Variants in SOX5 observed in about 807,000 individuals in gnomAD.
The protein encoded by SOX5 is SRY-box transcription factor 5.
SOX5 carries 9 observed loss-of-function variants against 92.0 expected under a neutral mutation model. The ratio of observed to expected loss-of-function variants is 0.10; its 90% CI spans 0.06 to 0.17. SOX5 has a LOEUF of 0.17. SOX5 is among the 10% of genes least tolerant of loss of function. The pLI is 1.00. For missense variants in SOX5, 642 were observed against 944.5 expected (o/e 0.68, Z 4.20); for synonymous variants, 344 against 336.3 (o/e 1.02, Z -0.25).
chr12:24,035,964 C>T (rs1955991309), intron 4 of SOX5, among the ~76,000 whole-genome samples: 1 of 151,954 alleles, frequency 6.6e-6, no homozygotes, highest in South Asian at 2.1e-4. Context: ...AACAAAAATC[C>T]TCTGCAGATC....
chr12:24,041,425 G>C (rs1195922229), intron 4 of SOX5, among the ~76,000 whole-genome samples: 2 of 152,204 alleles, frequency 1.3e-5, no homozygotes, highest in East Asian at 3.9e-4. Context: ...CAGACAGAGG[G>C]ATCAATTTGG....
At chr12:23,900,162 T>C (rs1054733402) in intron 1 of SOX5, among the ~76,000 whole-genome samples, 1 of 152,150 alleles carries the variant, frequency 6.6e-6, no homozygotes, top group Non-Finnish European at 1.5e-5. Flanking sequence ...TTGAGGAATA[T>C]GGATCAAATC....
At chr12:24,256,826 A>C (rs962168022) in intron 3 of SOX5, among the ~76,000 whole-genome samples, 1 of 152,218 alleles carries the variant, frequency 6.6e-6, no homozygotes, top group African/African-American at 2.4e-5. Context: ...CGTTATTGTC[A>C]TCTGCCTGCT....
chr12:24,225,357 A>G (rs1379788285), intron 3 of SOX5, among the ~76,000 whole-genome samples: 1 of 152,226 alleles, frequency 6.6e-6, no homozygotes, highest in African/African-American at 2.4e-5. Context: ...GTTTCACAAA[A>G]GCACTGTAAC....
At chr12:24,255,275 T>C (rs577439621) in intron 3 of SOX5, among the ~76,000 whole-genome samples, 1 of 152,172 alleles carries the variant, frequency 6.6e-6, no homozygotes, top group Non-Finnish European at 1.5e-5. Context: ...AAGCAATTGT[T>C]GCCCCTAAAG....
chr12:24,220,111 C>T (rs1960047952), intron 3 of SOX5, among the ~76,000 whole-genome samples: 1 of 151,392 alleles, frequency 6.6e-6, no homozygotes, highest in Non-Finnish European at 1.5e-5. Context: ...GAGGTAACAG[C>T]AGATATTGTA....
At chr12:24,422,366 A>G (rs1290140235) in intron 1 of SOX5, among the ~76,000 whole-genome samples, 1 of 152,228 alleles carries the variant, frequency 6.6e-6, no homozygotes, top group Non-Finnish European at 1.5e-5. Flanking sequence ...AAATATGAGA[A>G]GTGATGTTTG....
intron 1 of SOX5, among the ~76,000 whole-genome samples, chr12:24,485,693 A>G (rs1946448605): frequency 6.6e-6 from 1 of 152,136 alleles, no homozygotes; most frequent in African/African-American, 2.4e-5. Context: ...TATTACTATT[A>G]TGTACTTTTC....
chr12:23,974,792 G>A (rs895911347), intron 4 of SOX5, among the ~76,000 whole-genome samples: 3 of 152,016 alleles, frequency 2.0e-5, no homozygotes, highest in Non-Finnish European at 4.4e-5. Context: ...TTGGTGATAT[G>A]AAAATTAAGG....
intron 4 of SOX5, among the ~76,000 whole-genome samples, chr12:24,083,105 T>G (rs1943565318): frequency 6.6e-6 from 1 of 152,038 alleles, no homozygotes; most frequent in Admixed American, 6.6e-5. Flanking sequence ...GATTTTCATG[T>G]GTTATGAAAA....
Position 24,489,171 on chromosome 12 carries a change from C to A in SOX5, c.-251+73158G>T, listed in dbSNP as rs149427417. ...TTAAAGAGGCAAGCAGTGATGTTTG[C>A]ACTCAGATTTTCAGTTACTTCAACT... On this transcript the variant is annotated intron_variant, in intron 1 of 4. Coordinates refer to the SOX5 transcript ENST00000446891. 3.8e-3 allele frequency among the ~76,000 whole-genome samples: 574 copies of A among 152,318 alleles called. 7 individuals carry two copies. The highest frequency in any genetic ancestry group is 0.024 in the South Asian group (117 of 4,826).
intron 6 of SOX5, among the ~76,000 whole-genome samples, chr12:23,682,820 T>C (rs1339261170): frequency 6.6e-6 from 1 of 151,790 alleles, no homozygotes; most frequent in Non-Finnish European, 1.5e-5. Context: ...GAAATTGATA[T>C]TAGCAGGAAA....
At chr12:23,539,467 G>A (rs889253796) in intron 13 of SOX5, among the ~76,000 whole-genome samples, 1 of 152,112 alleles carries the variant, frequency 6.6e-6, no homozygotes. Context: ...ATCCTCTGCA[G>A]GTCAGGAAGG....
chr12:23,828,548 G>A (rs2096267857), intron 3 of SOX5, among the ~76,000 whole-genome samples: 1 of 152,096 alleles, frequency 6.6e-6, no homozygotes, highest in African/African-American at 2.4e-5. Context: ...GTCAGTCTGT[G>A]CCATTTTCAG....
At position 23,534,464 on chromosome 12, in the gene SOX5, T is replaced by C; in HGVS notation, c.2047A>G (p.Met683Val). 1 of 1,614,000 alleles carries C rather than the reference T, an allele frequency of 6.2e-7. No homozygotes were observed. Reference protein sequence around the residue: ...AGVVYPGAIAMAGMPSPHLPS... With the variant: ...AGVVYPGAIAVAGMPSPHLPS... The stretch of plus-strand genomic sequence containing the variant: ...AGGTGAGGGGAGGGCATCCCAGCCA[T>C]GGCGATGGCTCCAGGGTACACAACA... Residue 683 changes from methionine to valine, a missense_variant, in exon 15 of 15, where the codon ATG becomes GTG. Met to Val is a conservative substitution (Grantham distance 21). Around this residue, in one of 8 missense-constraint regions of SOX5, gnomAD observed 130 missense variants for 140.6 expected, o/e 0.92. Coordinates refer to ENST00000451604, the MANE Select transcript of SOX5 (RefSeq NM_006940.6).
chr12:24,246,753 T>A (rs368145615), intron 3 of SOX5, among the ~76,000 whole-genome samples: 20 of 152,278 alleles, frequency 1.3e-4, no homozygotes, highest in East Asian at 7.7e-4. Context: ...ACCATTATAA[T>A]TGTAGGGAAA....
chr12:24,029,967 T>C (rs1273219319), intron 4 of SOX5, among the ~76,000 whole-genome samples: 3 of 151,982 alleles, frequency 2.0e-5, no homozygotes, highest in African/African-American at 7.2e-5. Context: ...CTGCTTCATG[T>C]GTATTAATAC....
intron 11 of SOX5, among the ~76,000 whole-genome samples, chr12:23,561,759 A>G (rs2136324440): frequency 6.6e-6 from 1 of 151,616 alleles, no homozygotes; most frequent in South Asian, 2.1e-4. Context: ...ATTCCCAGCC[A>G]GCACTGGGGA....
chr12:23,689,054 C>T (rs1028686628), intron 6 of SOX5, among the ~76,000 whole-genome samples: 19 of 152,110 alleles, frequency 1.2e-4, no homozygotes, highest in Admixed American at 1.1e-3. Context: ...TTTTGTTTTA[C>T]CTTCCAGGTA....
Sources: allele counts gnomAD v4.1 joint callset (sites outside exome capture counted in the v4.1 genomes callset), GRCh38; gene constraint gnomAD v4.1.1; regional missense constraint gnomAD v4.1.1; transcripts MANE v1.5; gene names NCBI Gene and HGNC (gene_info 2026-07-23, HGNC 2026-07-21).